Variants in RYR3 observed in about 807,000 individuals in gnomAD.
RYR3 encodes the protein ryanodine receptor 3.
A neutral mutation model predicts 584.3 loss-of-function variants in RYR3; 207 were observed. The observed-to-expected ratio is 0.35, with a 90% CI of 0.32 to 0.40. RYR3 has a LOEUF of 0.40. Ranked by LOEUF, RYR3 falls within the 10% of genes least tolerant of loss-of-function variation. The pLI is 1.00. For synonymous variants in RYR3, 2,416 were observed against 2,248.5 expected (o/e 1.07, Z -2.11); for missense variants, 5,616 against 6,089.2 (o/e 0.92, Z 2.59).
At position 33,562,309 on chromosome 15, in the gene RYR3, G is replaced by A. The variant is rs149257459; in HGVS notation, c.973-528G>A. Reference sequence around the variant, plus strand: ...GACTGATACACAAATTACTACATTAGCTTAAGCCACGGTATTAACCCCTGC... The same window carrying A: ...GACTGATACACAAATTACTACATTAACTTAAGCCACGGTATTAACCCCTGC... On this transcript the variant is annotated intron_variant, in intron 10 of 103. Transcript: ENST00000634891. 2.4e-4 allele frequency among the ~76,000 whole-genome samples: 37 copies of A among 152,290 alleles called. No individual in the cohort carries two copies. In the East Asian group the frequency reaches 6.8e-3, roughly 28 times the overall value.
At chr15:33,419,143 A>G (rs2044044237) in intron 1 of RYR3, among the ~76,000 whole-genome samples, 1 of 152,116 alleles carries the variant, frequency 6.6e-6, no homozygotes, top group Non-Finnish European at 1.5e-5. Flanking sequence ...GGAATAATGA[A>G]TGGGAAAAGC....
intron 14 of RYR3, among the ~76,000 whole-genome samples, chr15:33,582,262 G>A (rs905072899): frequency 6.6e-6 from 1 of 152,170 alleles, no homozygotes; most frequent in African/African-American, 2.4e-5. Flanking sequence ...GCAAGAAGGC[G>A]GCCACCAGGA....
chr15:33,570,872 T>G (rs2057991529), intron 12 of RYR3, among the ~76,000 whole-genome samples: 1 of 152,192 alleles, frequency 6.6e-6, no homozygotes. Context: ...CAGATTATTT[T>G]CTGGTATATA....
chr15:33,369,385 T>C (rs1243429821), intron 1 of RYR3, among the ~76,000 whole-genome samples: 6 of 152,238 alleles, frequency 3.9e-5, no homozygotes, highest in African/African-American at 7.2e-5. Flanking sequence ...GGTCCTTTGA[T>C]GCCCTTGGTC....
chr15:33,753,621 A>G (rs757362443), intron 57 of RYR3, among the ~76,000 whole-genome samples: 4 of 152,182 alleles, frequency 2.6e-5, no homozygotes, highest in African/African-American at 4.8e-5. Flanking sequence ...CTAGTTTCCT[A>G]TAGATTTTTT....
intron 2 of RYR3, among the ~76,000 whole-genome samples, chr15:33,486,869 A>G (rs2050474332): frequency 6.6e-6 from 1 of 152,214 alleles, no homozygotes; most frequent in Admixed American, 6.5e-5. Flanking sequence ...TCATTTGTTC[A>G]GGCTCAGAGT....
chr15:33,340,764 GTC>G (rs1317497009), intron 1 of RYR3, among the ~76,000 whole-genome samples: 2 of 152,154 alleles, frequency 1.3e-5, no homozygotes, highest in Non-Finnish European at 1.5e-5. Context: ...TCCAAATAGA[GTC>G]ACATTTCGGG....
At chr15:33,566,450 A>C (rs2057720344) in intron 11 of RYR3, among the ~76,000 whole-genome samples, 2 of 152,234 alleles carry the variant, frequency 1.3e-5, no homozygotes, top group African/African-American at 4.8e-5. Flanking sequence ...ATGGTGGCAC[A>C]TAAAGTTTCA....
At chr15:33,434,026 C>T (rs1324043975) in intron 1 of RYR3, among the ~76,000 whole-genome samples, 1 of 152,142 alleles carries the variant, frequency 6.6e-6, no homozygotes, top group Non-Finnish European at 1.5e-5. Flanking sequence ...TGTGGAAGCA[C>T]CCTCATTCTC....
At chr15:33,423,160 A>G (rs991277133) in intron 1 of RYR3, among the ~76,000 whole-genome samples, 10 of 152,146 alleles carry the variant, frequency 6.6e-5, no homozygotes, top group African/African-American at 2.4e-4. Context: ...ATAACTCTCC[A>G]TCCCTGCCTC....
At chr15:33,723,677 A>G (rs747807826) in intron 44 of RYR3, among the ~76,000 whole-genome samples, 25 of 152,328 alleles carry the variant, frequency 1.6e-4, no homozygotes, top group Non-Finnish European at 3.2e-4. Context: ...ACTGAGGCCC[A>G]AGGTCATATA....
intron 76 of RYR3, among the ~76,000 whole-genome samples, chr15:33,819,424 C>T (rs1596789269): frequency 1.3e-5 from 2 of 152,250 alleles, no homozygotes; most frequent in African/African-American, 4.8e-5. Flanking sequence ...GTAATTCCAG[C>T]ATTTTGGGAG....
chr15:33,849,006 T>C (rs2078914428), intron 94 of RYR3: 1 of 152,388 alleles, frequency 6.6e-6, no homozygotes, highest in African/African-American at 2.4e-5. Flanking sequence ...TGGATAATTT[T>C]TTTGTATTTT....
chr15:33,836,971 T>A lies in RYR3; in HGVS notation c.11634T>A (p.Leu3878=), dbSNP rs754999534. The change falls in exon 88 of 104, where the codon CTT becomes CTA. Residue 3878 remains leucine, a synonymous_variant. Coordinates refer to ENST00000634891, the MANE Select transcript of RYR3 (RefSeq NM_001036.6). ...TCCTTCAGGACATGGTGGTGATGCTTCTGTCCCTCCTGGAAGGTTGGGCTG... is the reference window on the plus strand; with the variant it reads ...TCCTTCAGGACATGGTGGTGATGCTACTGTCCCTCCTGGAAGGTTGGGCTG... ...LDLLQDMVVM[L]LSLLEGNVVN... 6.2e-7 allele frequency: 1 copy of A among 1,613,478 alleles called. No homozygotes were observed. Among genetic ancestry groups the A allele is most frequent in the Admixed American group, 1.7e-5 (1 of 59,958 alleles).
intron 11 of RYR3, among the ~76,000 whole-genome samples, chr15:33,564,671 G>T (rs531191798): frequency 3.9e-5 from 6 of 152,268 alleles, no homozygotes; most frequent in Admixed American, 6.5e-5. Flanking sequence ...CTGTAACTCT[G>T]GGTGGGCAGG....
At chr15:33,795,647 GC>G (rs1567188739) in intron 67 of RYR3, among the ~76,000 whole-genome samples, 15 of 152,074 alleles carry the variant, frequency 9.9e-5, no homozygotes, top group Non-Finnish European at 1.8e-4. Context: ...ACCCACCTTG[GC>G]CTCCCAAAGT....
chr15:33,435,652 G>A (rs1324187650), intron 1 of RYR3, among the ~76,000 whole-genome samples: 2 of 152,128 alleles, frequency 1.3e-5, no homozygotes, highest in Non-Finnish European at 2.9e-5. Flanking sequence ...CAAGAATGAA[G>A]CCACCGACCT....
chr15:33,613,329 A>G lies in RYR3; in HGVS notation c.2311A>G (p.Thr771Ala), dbSNP rs781760958. The change falls in exon 19 of 104, where the codon ACA becomes GCA. Residue 771 changes from threonine (T) to alanine (A), a missense_variant. Thr to Ala is a moderately conservative substitution (Grantham distance 58, BLOSUM62 0). Coordinates refer to ENST00000634891, the MANE Select transcript of RYR3 (RefSeq NM_001036.6). ...GCAGGGGATGTTTGAGAACTTCAAC[A>G]CAGACGGGCTCTTCTTCCCTGTGAT... is the stretch of plus-strand genomic sequence containing the variant. Reference protein sequence around the residue: ...PVQGMFENFNTDGLFFPVMSF... With the variant: ...PVQGMFENFNADGLFFPVMSF... 1.9e-5 allele frequency: 30 copies of G among 1,613,358 alleles called. No homozygotes were observed. Among genetic ancestry groups the G allele is most frequent in the Non-Finnish European group, 2.3e-5 (27 of 1,179,556 alleles).
At chr15:33,414,172 T>C (rs544450165) in intron 1 of RYR3, among the ~76,000 whole-genome samples, 1 of 152,290 alleles carries the variant, frequency 6.6e-6, no homozygotes, top group African/African-American at 2.4e-5. Context: ...ATTATAAAAA[T>C]TTCATTGACT....
Sources: allele counts gnomAD v4.1 joint callset (sites outside exome capture counted in the v4.1 genomes callset), GRCh38; gene constraint gnomAD v4.1.1; transcripts MANE v1.5; gene names NCBI Gene and HGNC (gene_info 2026-07-23, HGNC 2026-07-21).